The following PXDC1 variants were observed in gnomAD, a reference collection of about 807,000 sequenced individuals.
PXDC1 encodes the protein PX domain-containing protein 1.
PXDC1 carries 13 observed loss-of-function variants against 24.4 expected under a neutral mutation model. The observed-to-expected ratio is 0.53, with a 90% CI of 0.35 to 0.85. The LOEUF (loss-of-function observed/expected upper bound fraction) is 0.85. Ranked by LOEUF, PXDC1 falls within the 40% of genes least tolerant of loss-of-function variation. The probability of loss-of-function intolerance (pLI) is 0.01; values close to 1 mark genes in which losing one functional copy is unlikely to be tolerated. For synonymous variants in PXDC1, 162 were observed against 124.9 expected, an observed-to-expected ratio of 1.30 and a Z score of -1.98; for missense variants, 344 against 309.3, an observed-to-expected ratio of 1.11 and a Z score of -0.84.
intron 1 of PXDC1, among the ~76,000 whole-genome samples, chr6:3,738,390 A>G (rs1462750345): frequency 6.6e-6 from 1 of 152,120 alleles, no homozygotes; most frequent in African/African-American, 2.4e-5. Context: ...TGTCAATCTG[A>G]AAAGGGGATG....
chr6:3,735,597 A>G (rs1760299103), intron 3 of PXDC1, among the ~76,000 whole-genome samples: 1 of 152,328 alleles, frequency 6.6e-6, no homozygotes, highest in African/African-American at 2.4e-5. Flanking sequence ...AGTGGTTACC[A>G]GAGGCTGGGG....
Position 3,751,693 on chromosome 6 carries a change from C to G in PXDC1, c.-162G>C, listed in dbSNP as rs372718338. On this transcript the variant is annotated 5_prime_UTR_variant, in exon 1 of 5. Transcript: ENST00000380283. ...TGCGTATGGCCCGCGTTCGGGGCAG[C>G]GGGGCGGCGCGGCGGCGAGTGGCTC... 216 of 1,066,814 alleles carry G rather than the reference C, an allele frequency of 2.0e-4. 3 individuals are homozygous for G. The South Asian group carries it at 8.8e-3, about 43-fold the overall frequency. 66.1% of individuals were successfully genotyped at this position (1,066,814 alleles called of 1,614,324 possible).
chr6:3,739,408 C>T (rs1760404782), intron 1 of PXDC1, among the ~76,000 whole-genome samples: 1 of 152,256 alleles, frequency 6.6e-6, no homozygotes, highest in African/African-American at 2.4e-5. Context: ...ACCTGGTATC[C>T]CAGCAGGCAT....
At chr6:3,726,858 G>A (rs1044081498) in intron 4 of PXDC1, among the ~76,000 whole-genome samples, 1 of 152,238 alleles carries the variant, frequency 6.6e-6, no homozygotes, top group African/African-American at 2.4e-5. Flanking sequence ...CACAACCCGT[G>A]GTGGGACAGC....
In PXDC1 at chr6:3,737,851, G is replaced by A. The variant is rs1476178606; in HGVS notation, c.348+206C>T. ...CCAGGGAGGAAAAACCGGGGCCACT[G>A]GAGCCCATGAAAGCCTTCTTTCTCC... On this transcript the variant is annotated intron_variant, in intron 2 of 4. Coordinates refer to ENST00000380283, the MANE Select transcript of PXDC1 (RefSeq NM_183373.4). The surrounding 1 kb of genome is among the most constrained non-coding windows in gnomAD (Gnocchi z 5.5). 3 of 289,666 alleles carry A rather than the reference G, an allele frequency of 1.0e-5. No homozygotes were observed. The highest frequency in any genetic ancestry group is 1.5e-5 in the Non-Finnish European group (3 of 194,106). The allele number at this position is 289,666 out of a possible 1,614,324, so 17.9% of individuals were successfully genotyped here.
chr6:3,739,215 T>A, intron 1 of PXDC1: 1 of 956,428 alleles, frequency 1.0e-6, no homozygotes. Flanking sequence ...AATTAAGAGG[T>A]CCCAGAGCAT....
In PXDC1 at chr6:3,751,538, C is replaced by T. The variant is rs750187877; in HGVS notation, c.-7G>A. The T allele has an allele frequency of 3.2e-6, 5 of 1,558,662 alleles. No individual in the cohort carries two copies. The East Asian group carries it at 7.3e-5, about 23-fold the overall frequency. ...CAAACACCGCCGAGGCCATGTCGCACGCATGCCCCCGCCAAGGGCTCCCCA... is the reference window on the plus strand; with the variant it reads ...CAAACACCGCCGAGGCCATGTCGCATGCATGCCCCCGCCAAGGGCTCCCCA... On this transcript the variant is annotated 5_prime_UTR_variant, in exon 1 of 5. In the 5' UTR this introduces an upstream ATG that the reference lacks. Coordinates refer to ENST00000380283, the MANE Select transcript of PXDC1 (RefSeq NM_183373.4).
In PXDC1 at chr6:3,751,415, G is replaced by T. The variant is rs780956434; in HGVS notation, c.117C>A (p.Phe39Leu). 6.3e-7 allele frequency: 1 copy of T among 1,582,074 alleles called. No homozygotes were observed. The highest frequency in any genetic ancestry group is 8.6e-7 in the Non-Finnish European group (1 of 1,165,138). ...GGTCCGACCACTCCGTGCGGATCTC[G>T]AAGAACTCCTCTTCGTCGCCGCGCC... is the stretch of plus-strand genomic sequence containing the variant. ...VSRRGDEEEF[F>L]EIRTEWSDRS... Residue 39 changes from phenylalanine to leucine, a missense_variant, in exon 1 of 5, where the codon TTC (phenylalanine) becomes TTA (leucine). Physicochemically the swap from Phe to Leu is conservative, Grantham distance 22. Coordinates refer to ENST00000380283, the MANE Select transcript of PXDC1 (RefSeq NM_183373.4).
rs573699965 is a variant in PXDC1, at chr6:3,725,553, C to T, written c.579-1817G>A. Among the ~76,000 whole-genome samples, 4 of 152,340 alleles carry T rather than the reference C, an allele frequency of 2.6e-5. No homozygotes were observed. Among genetic ancestry groups the T allele is most frequent in the Non-Finnish European group, 5.9e-5 (4 of 68,014 alleles). On this transcript the variant is annotated intron_variant, in intron 4 of 4. Transcript: ENST00000380283. This position sits in a 1 kb window ranked among gnomAD's most constrained non-coding sequence, Gnocchi z 4.8. Reference sequence around the variant, plus strand: ...CTCGGGGCAGCCTGCTGAGACTCTGCTGTGGGGGCCCTGCTGTGGGCCCGG... The same window carrying T: ...CTCGGGGCAGCCTGCTGAGACTCTGTTGTGGGGGCCCTGCTGTGGGCCCGG...
At chr6:3,726,942 G>T (rs1014710135) in intron 4 of PXDC1, among the ~76,000 whole-genome samples, 4 of 152,242 alleles carry the variant, frequency 2.6e-5, no homozygotes, top group Non-Finnish European at 5.9e-5. Context: ...CCAAGGAGCA[G>T]TCTGGATTTG....
In PXDC1 at chr6:3,738,032, C is replaced by G. The variant is rs767472301; in HGVS notation, c.348+25G>C. ...TGCCAGCACCTCCCACCTCCCTGCC[C>G]AGCCCGGGGCCTGGCCACACTCACT... On this transcript the variant is annotated intron_variant, in intron 2 of 4. Coordinates refer to ENST00000380283, the MANE Select transcript of PXDC1 (RefSeq NM_183373.4). 1.3e-5 allele frequency: 20 copies of G among 1,582,346 alleles called. No homozygotes were observed. In the South Asian group the frequency reaches 2.0e-4, roughly 16 times the overall value.
At chr6:3,739,721 A>C (rs1476075959) in intron 1 of PXDC1, among the ~76,000 whole-genome samples, 1 of 152,256 alleles carries the variant, frequency 6.6e-6, no homozygotes, top group Non-Finnish European at 1.5e-5. Flanking sequence ...AGAAAACAAC[A>C]AAAGTACCAG....
At chr6:3,735,166 G>C (rs1204035830) in intron 3 of PXDC1, among the ~76,000 whole-genome samples, 5 of 152,216 alleles carry the variant, frequency 3.3e-5, no homozygotes, top group Admixed American at 3.3e-4. Context: ...AAGCAATCTT[G>C]AGCAAAGCCA....
At chr6:3,732,241 G>A (rs564701980) in intron 3 of PXDC1, among the ~76,000 whole-genome samples, 2 of 152,302 alleles carry the variant, frequency 1.3e-5, no homozygotes, top group South Asian at 4.1e-4. Context: ...CGCGGTCTCA[G>A]CCGTGAAAGC....
rs1051057152 is a variant in PXDC1, at chr6:3,724,375, G to A, written c.579-639C>T. ...GGAAGAATACAAACCCCAAACATAA[G>A]GGGACGTAAAAGCCCGCGATACTGA... On this transcript the variant is annotated intron_variant, in intron 4 of 4. Transcript: ENST00000380283. The surrounding 1 kb of genome is among the most constrained non-coding windows in gnomAD (Gnocchi z 4.5). Among the ~76,000 whole-genome samples, 4 of 152,140 alleles carry A rather than the reference G, an allele frequency of 2.6e-5. No individual in the cohort carries two copies. The highest frequency in any genetic ancestry group is 2.0e-4 in the Admixed American group (3 of 15,276).
At chr6:3,726,649 G>C (rs886934125) in intron 4 of PXDC1, among the ~76,000 whole-genome samples, 2 of 152,236 alleles carry the variant, frequency 1.3e-5, no homozygotes, top group Non-Finnish European at 2.9e-5. Context: ...CCGCCCACAG[G>C]CCCGGATGTG....
chr6:3,738,704 C>T lies in PXDC1; in HGVS notation c.257-556G>A, dbSNP rs1277595410. On this transcript the variant is annotated intron_variant, in intron 1 of 4. Coordinates refer to ENST00000380283, the MANE Select transcript of PXDC1 (RefSeq NM_183373.4). ...AAAACCAAAGTGGACACGACTCATG[C>T]CACTTTCCAGGAATCTGGGCCTCTG... 5 of 1,127,952 alleles carry T rather than the reference C, an allele frequency of 4.4e-6. No individual in the cohort carries two copies. The East Asian group carries it at 2.9e-4, about 66-fold the overall frequency. The allele number at this position is 1,127,952 out of a possible 1,614,324, so 69.9% of individuals were successfully genotyped here. A position where few individuals can be genotyped will look rare whatever the true frequency, so the allele number is the denominator to read the frequency against.
In PXDC1 at chr6:3,725,528, C is replaced by T. The variant is rs868029033; in HGVS notation, c.579-1792G>A. On this transcript the variant is annotated intron_variant, in intron 4 of 4. Coordinates refer to ENST00000380283, the MANE Select transcript of PXDC1 (RefSeq NM_183373.4). This position sits in a 1 kb window ranked among gnomAD's most constrained non-coding sequence, Gnocchi z 4.8. ...GTGCCCACTTGCCCCTGGGGCCAGACTCGGGGCAGCCTGCTGAGACTCTGC... is the reference window on the plus strand; with the variant it reads ...GTGCCCACTTGCCCCTGGGGCCAGATTCGGGGCAGCCTGCTGAGACTCTGC... Among the ~76,000 whole-genome samples, 9 of 152,240 alleles carry T rather than the reference C, an allele frequency of 5.9e-5. No homozygotes were observed. In the South Asian group the frequency reaches 8.3e-4, roughly 14 times the overall value.
chr6:3,750,750 C>G (rs1200565931), intron 1 of PXDC1, among the ~76,000 whole-genome samples: 2 of 152,126 alleles, frequency 1.3e-5, no homozygotes, highest in Non-Finnish European at 1.5e-5. Context: ...CGAGGAGGGA[C>G]GGAAGGGCTG....
Sources: gnomAD v4.1 joint callset for allele counts (sites outside exome capture counted in the v4.1 genomes callset) on GRCh38, gnomAD v4.1.1 for gene constraint, Gnocchi (gnomAD v3.1) non-coding constraint, MANE v1.5 for transcripts, NCBI Gene and HGNC (gene_info 2026-07-23, HGNC 2026-07-21) for gene names.